The following CMC1 variants were observed in gnomAD, a reference collection of about 807,000 sequenced individuals.
CMC1 encodes the protein C-X9-C motif containing 1.
In CMC1, 14 loss-of-function variants were observed where a neutral mutation model predicts 14.1. The observed-to-expected ratio is 0.99, with a 90% CI of 0.66 to 1.55. The LOEUF (loss-of-function observed/expected upper bound fraction) is 1.55. CMC1 is among the 40% of genes most tolerant of loss of function. The probability of loss-of-function intolerance (pLI) is 0.00; values close to 1 mark genes in which losing one functional copy is unlikely to be tolerated. For synonymous variants in CMC1, 50 were observed against 38.4 expected (o/e 1.30, Z -1.12); for missense variants, 127 against 123.8 (o/e 1.03, Z -0.12).
intron 2 of CMC1, among the ~76,000 whole-genome samples, chr3:28,272,739 A>AGT (rs200713687): frequency 0.016 from 2,411 of 151,930 alleles, 262 homozygotes; most frequent in Admixed American, 0.15. Context: ...GCTGGAGTGT[A>AGT]GTGGTGTGAT....
At chr3:28,276,074 C>T (rs531619042) in intron 2 of CMC1, among the ~76,000 whole-genome samples, 1 of 152,262 alleles carries the variant, frequency 6.6e-6, no homozygotes, top group African/African-American at 2.4e-5. Context: ...TGGCAGCCAC[C>T]CCTCTCCCCG....
chr3:28,270,916 A>ATTTCT (rs1700245171), intron 2 of CMC1, among the ~76,000 whole-genome samples: 1 of 121,038 alleles, frequency 8.3e-6, no homozygotes, highest in African/African-American at 3.4e-5. Context: ...TCTTGAGTTA[A>ATTTCT]TTTCTTTTTT....
intron 1 of CMC1, among the ~76,000 whole-genome samples, chr3:28,257,730 G>A (rs1699490014): frequency 6.6e-6 from 1 of 152,090 alleles, no homozygotes; most frequent in Non-Finnish European, 1.5e-5. Flanking sequence ...TGTTGGCCAG[G>A]ATGGTCTCGA....
At chr3:28,266,660 A>T (rs191104262) in intron 2 of CMC1, among the ~76,000 whole-genome samples, 8 of 152,236 alleles carry the variant, frequency 5.3e-5, no homozygotes, top group Admixed American at 4.6e-4. Context: ...CTTTTTGAAG[A>T]GAAGAATAGT....
intron 1 of CMC1, among the ~76,000 whole-genome samples, chr3:28,257,342 C>G (rs1316648291): frequency 6.6e-6 from 1 of 152,084 alleles, no homozygotes; most frequent in Admixed American, 6.6e-5. Flanking sequence ...GTATGTACTC[C>G]TTTGTCTGCT....
intron 2 of CMC1, among the ~76,000 whole-genome samples, chr3:28,282,395 A>T (rs11917441): frequency 0.011 from 1,702 of 152,312 alleles, 27 homozygotes; most frequent in African/African-American, 0.03. Flanking sequence ...AGTCCTACAG[A>T]GATAACTGAA....
At chr3:28,249,450 A>G (rs912324895) in intron 1 of CMC1, among the ~76,000 whole-genome samples, 1 of 152,244 alleles carries the variant, frequency 6.6e-6, no homozygotes, top group African/African-American at 2.4e-5. Flanking sequence ...CATATTTACC[A>G]TATGCTAGGA....
chr3:28,244,607 T>C (rs1030101538), intron 1 of CMC1, among the ~76,000 whole-genome samples: 2 of 152,022 alleles, frequency 1.3e-5, no homozygotes, highest in African/African-American at 4.8e-5. Context: ...CACACGCCTG[T>C]AGTCCCAGCT....
chr3:28,322,735 A>G lies in CMC1; in HGVS notation c.*3106A>G, dbSNP rs779701823. 6.6e-5 allele frequency: 10 copies of G among 151,580 alleles called. No individual in the cohort carries two copies. The highest frequency in any genetic ancestry group is 1.3e-4 in the Non-Finnish European group (9 of 67,386). 9.4% of individuals were successfully genotyped at this position (151,580 alleles called of 1,614,324 possible). On this transcript the variant is annotated 3_prime_UTR_variant, in exon 4 of 4. Transcript: ENST00000466830. ...CTGACACCAATTCCATTAATCACAG[A>G]CAAGCTTGAATAAGTGTAAGATAAT...
intron 1 of CMC1, among the ~76,000 whole-genome samples, chr3:28,245,155 A>G (rs1021267462): frequency 1.3e-5 from 2 of 152,160 alleles, no homozygotes; most frequent in African/African-American, 4.8e-5. Flanking sequence ...TCTTTATAGA[A>G]GCTTGATTTT....
chr3:28,246,964 T>G (rs1698860335), intron 1 of CMC1, among the ~76,000 whole-genome samples: 1 of 152,168 alleles, frequency 6.6e-6, no homozygotes, highest in Non-Finnish European at 1.5e-5. Context: ...ATGAATTTAT[T>G]ATTGGTATTT....
rs1375839563 is a variant in CMC1, at chr3:28,316,379, A to G, written c.156A>G (p.Lys52=). 6.3e-7 allele frequency: 1 copy of G among 1,599,180 alleles called. No individual in the cohort carries two copies. The highest frequency in any genetic ancestry group is 8.5e-7 in the Non-Finnish European group (1 of 1,174,466). The part of the protein sequence containing the change: ...CKNSGVLMVV[K]CRKENSALKE... The stretch of plus-strand genomic sequence containing the variant: ...ACTCTGGAGTTCTTATGGTAGTAAA[A>G]TGCCGGAAAGAAAATTCTGCATTGA... The change falls in exon 3 of 4, where the codon AAA becomes AAG. Residue 52 remains lysine, a synonymous_variant. Transcript: ENST00000466830.
Position 28,323,435 on chromosome 3 carries a change from T to A in CMC1, c.*3806T>A, listed in dbSNP as rs1213203219. 6.6e-6 allele frequency: 1 copy of A among 150,952 alleles called. No individual in the cohort carries two copies. Among genetic ancestry groups the A allele is most frequent in the Non-Finnish European group, 1.5e-5 (1 of 67,106 alleles). The allele number at this position is 150,952 out of a possible 1,614,324, so 9.4% of individuals were successfully genotyped here. ...GCTTCAGTGATCAGGTTGTTTCAAGTCTTAGAATTCAAACTTCAATTCTAA... is the reference window on the plus strand; with the variant it reads ...GCTTCAGTGATCAGGTTGTTTCAAGACTTAGAATTCAAACTTCAATTCTAA... On this transcript the variant is annotated 3_prime_UTR_variant, in exon 4 of 4. Transcript: ENST00000466830.
At chr3:28,316,288 A>G (rs778897318) in intron 2 of CMC1, 45 bp from the exon 3 acceptor site, 20 of 969,606 alleles carry the variant, frequency 2.1e-5, no homozygotes, top group Admixed American at 2.7e-5. Flanking sequence ...GGGTATTTAT[A>G]TAGATATAAT....
intron 1 of CMC1, among the ~76,000 whole-genome samples, chr3:28,262,535 G>A (rs553949323): frequency 6.6e-6 from 1 of 152,148 alleles, no homozygotes; most frequent in East Asian, 1.9e-4. Context: ...CATATTTGCT[G>A]CTTCAGAGCA....
chr3:28,258,006 A>G (rs1434069274), intron 1 of CMC1, among the ~76,000 whole-genome samples: 1 of 149,946 alleles, frequency 6.7e-6, no homozygotes, highest in Non-Finnish European at 1.5e-5. Context: ...TGTGCATACA[A>G]AATGATATAA....
chr3:28,274,699 A>G (rs1263675682), intron 2 of CMC1, among the ~76,000 whole-genome samples: 3 of 151,498 alleles, frequency 2.0e-5, no homozygotes, highest in African/African-American at 7.3e-5. Flanking sequence ...GATATCCTGA[A>G]GTGTGTTTTC....
chr3:28,276,267 A>G (rs983517849), intron 2 of CMC1, among the ~76,000 whole-genome samples: 2 of 152,076 alleles, frequency 1.3e-5, no homozygotes, highest in Non-Finnish European at 2.9e-5. Context: ...TAAATGCTAA[A>G]AATTTAAATG....
chr3:28,265,611 G>A (rs1185577344), intron 2 of CMC1, among the ~76,000 whole-genome samples: 2 of 151,786 alleles, frequency 1.3e-5, no homozygotes, highest in Non-Finnish European at 1.5e-5. Context: ...AAGCTTTTCC[G>A]TTAGATTTTT....
Sources: allele counts gnomAD v4.1 joint callset (sites outside exome capture counted in the v4.1 genomes callset), GRCh38; gene constraint gnomAD v4.1.1; transcripts MANE v1.5; gene names NCBI Gene and HGNC (gene_info 2026-07-23, HGNC 2026-07-21).